The following BACH1 variants were observed in gnomAD, a reference collection of about 807,000 sequenced individuals.
BACH1 encodes the protein transcription regulator protein BACH1.
BACH1 carries 35 observed loss-of-function variants against 52.9 expected under a neutral mutation model. The ratio of observed to expected loss-of-function variants is 0.66; its 90% confidence interval spans 0.51 to 0.88. BACH1 has a LOEUF of 0.88. Among genes scored for constraint, BACH1 ranks in the 40% least tolerant of loss-of-function variants. The probability of loss-of-function intolerance (pLI) is 0.00; values close to 1 mark genes in which losing one functional copy is unlikely to be tolerated. For synonymous variants in BACH1, 321 were observed against 319.6 expected, an observed-to-expected ratio of 1.00 and a Z score of -0.05; for missense variants, 808 against 872.6, an observed-to-expected ratio of 0.93 and a Z score of 0.93.
chr21:29,357,220 G>A (rs1219306822), intron 2 of BACH1, among the ~76,000 whole-genome samples: 1 of 152,212 alleles, frequency 6.6e-6, no homozygotes, highest in Non-Finnish European at 1.5e-5. Flanking sequence ...GTCCCTGGGG[G>A]AAGAGGCTTA....
chr21:29,355,214 G>A (rs527985253), intron 2 of BACH1, among the ~76,000 whole-genome samples: 6 of 152,104 alleles, frequency 3.9e-5, no homozygotes, highest in Non-Finnish European at 5.9e-5. Context: ...TGATTGGTGC[G>A]TTTACAAACC....
chr21:29,335,117 C>G (rs150485894), intron 4 of BACH1, among the ~76,000 whole-genome samples: 16 of 152,298 alleles, frequency 1.1e-4, no homozygotes, highest in Admixed American at 3.9e-4. Context: ...TCTGAGAACT[C>G]ACTGCATGAT....
chr21:29,347,490 G>C (rs1407226205), downstream of BACH1, among the ~76,000 whole-genome samples: 1 of 152,196 alleles, frequency 6.6e-6, no homozygotes, highest in Non-Finnish European at 1.5e-5. Flanking sequence ...TTGCCCTGGA[G>C]ATTTAAACTA....
intron 1 of BACH1, among the ~76,000 whole-genome samples, chr21:29,311,486 G>T (rs1438584012): frequency 1.2e-5 from 1 of 84,830 alleles, no homozygotes; most frequent in Admixed American, 1.4e-4. Flanking sequence ...CCCTAATTCT[G>T]CTTCAGAGTT....
rs1186135314 is a variant in BACH1 at position 29,324,194 on chromosome 21, T to A, written c.235-1865T>A. ...TTGCAGTGAGCCAAGATCGTGCCGC[T>A]GCACTCTAGCCTGGGTGACAGAGAG... On this transcript the variant is annotated intron_variant, in intron 2 of 4. Coordinates refer to ENST00000286800, the MANE Select transcript of BACH1 (RefSeq NM_001186.4). 2.1e-5 allele frequency among the ~76,000 whole-genome samples: 3 copies of A among 143,648 alleles called. No homozygotes were observed. The East Asian group carries it at 6.1e-4, about 29-fold the overall frequency. 94.2% of individuals were successfully genotyped at this position (143,648 alleles called of 152,430 possible). A position where few individuals can be genotyped will look rare whatever the true frequency, so the allele number is the denominator to read the frequency against.
chr21:29,326,011 T>C, intron 2 of BACH1, 48 bp from the exon 3 acceptor site: 1 of 1,534,260 alleles, frequency 6.5e-7, no homozygotes, highest in Non-Finnish European at 8.7e-7. Context: ...TTTTATGTAC[T>C]AGACAGCTTT....
chr21:29,313,421 C>G (rs1201809852), intron 1 of BACH1, among the ~76,000 whole-genome samples: 1 of 152,124 alleles, frequency 6.6e-6, no homozygotes, highest in Non-Finnish European at 1.5e-5. Context: ...ATAATATGAC[C>G]CAGCTCTTCT....
rs960901919 is a variant in BACH1, at chr21:29,329,412, A to G, written c.1570-75A>G. 2.6e-5 allele frequency: 32 copies of G among 1,226,128 alleles called. 1 individual carries two copies. The East Asian group carries it at 7.4e-4, about 28-fold the overall frequency. 76.0% of individuals were successfully genotyped at this position (1,226,128 alleles called of 1,614,324 possible). On this transcript the variant is annotated intron_variant, in intron 3 of 4. Transcript: ENST00000286800. The stretch of plus-strand genomic sequence containing the variant: ...TAAGTTCTCTGAAAAACTTAGATGT[A>G]TACCTTCATCTTCCTAGGTTTGACT...
chr21:29,338,071 CAATAA>C (rs1030017871), intron 4 of BACH1, among the ~76,000 whole-genome samples: 25 of 151,966 alleles, frequency 1.6e-4, no homozygotes, highest in African/African-American at 5.8e-4. Context: ...TATAAATAAA[CAATAA>C]AATAAAAAAG....
At chr21:29,304,309 A>G (rs2088632309) in intron 1 of BACH1, among the ~76,000 whole-genome samples, 1 of 151,962 alleles carries the variant, frequency 6.6e-6, no homozygotes, top group Admixed American at 6.6e-5. Flanking sequence ...GTGTTTTAGT[A>G]GAGATGGGTT....
intron 4 of BACH1, among the ~76,000 whole-genome samples, chr21:29,340,657 G>T (rs1234409604): frequency 1.3e-5 from 2 of 152,162 alleles, no homozygotes; most frequent in South Asian, 2.1e-4. Flanking sequence ...CCCAACTTTG[G>T]TAGAGGAGTC....
chr21:29,346,520 G>A (rs891917239), downstream of BACH1, among the ~76,000 whole-genome samples: 4 of 152,118 alleles, frequency 2.6e-5, no homozygotes, highest in African/African-American at 9.7e-5. Context: ...GCCATCCAGG[G>A]CAAAGTCTTC....
chr21:29,310,307 T>C (rs1031155562), intron 1 of BACH1, among the ~76,000 whole-genome samples: 17 of 152,236 alleles, frequency 1.1e-4, no homozygotes, highest in African/African-American at 4.1e-4. Flanking sequence ...TTTCTGATTA[T>C]AAAGTAGTAT....
chr21:29,310,963 A>G (rs564636546), intron 1 of BACH1, among the ~76,000 whole-genome samples: 6 of 152,342 alleles, frequency 3.9e-5, no homozygotes, highest in African/African-American at 7.2e-5. Context: ...GAGAGGATCC[A>G]TTATTCATCA....
At chr21:29,359,750 C>T (rs1356406567) in intron 2 of BACH1, among the ~76,000 whole-genome samples, 2 of 152,062 alleles carry the variant, frequency 1.3e-5, no homozygotes, top group Non-Finnish European at 2.9e-5. Flanking sequence ...CACAATTTGC[C>T]CGTAAGGAAA....
chr21:29,336,155 T>C (rs1249350444), intron 4 of BACH1, among the ~76,000 whole-genome samples: 1 of 152,212 alleles, frequency 6.6e-6, no homozygotes, highest in Non-Finnish European at 1.5e-5. Context: ...CTAGAACAAG[T>C]ACTCTCATTG....
rs1207548926 is a variant in BACH1, at chr21:29,344,846, TC to T, written c.*2014del. 3.3e-5 allele frequency: 5 copies of T among 152,622 alleles called. No homozygotes were observed. Among genetic ancestry groups the T allele is most frequent in the African/African-American group, 1.2e-4 (5 of 41,452 alleles). 9.5% of individuals were successfully genotyped at this position (152,622 alleles called of 1,614,324 possible). On this transcript the variant is annotated 3_prime_UTR_variant, in exon 5 of 5. Coordinates refer to ENST00000286800, the MANE Select transcript of BACH1 (RefSeq NM_001186.4). ...AGTGTACACCCAACTATTGGTTGTATCAGTTTGTGTATGTGCAAATGTCAAA... is the reference window on the plus strand; with the variant it reads ...AGTGTACACCCAACTATTGGTTGTATAGTTTGTGTATGTGCAAATGTCAAA...
intron 2 of BACH1, among the ~76,000 whole-genome samples, chr21:29,358,765 A>AAAG (rs369247448): frequency 4.2e-4 from 34 of 81,522 alleles, no homozygotes; most frequent in African/African-American, 7.8e-4. Context: ...AAAAGAAAAG[A>AAAG]AAAGAAAAGA....
intron 2 of BACH1, chr21:29,352,487 GTA>G (rs2089208779): frequency 1.3e-5 from 2 of 152,156 alleles, no homozygotes; most frequent in Non-Finnish European, 2.9e-5. Flanking sequence ...CGATAGCAAA[GTA>G]AGACTGACTC....
Sources: gnomAD v4.1 joint callset for allele counts (sites outside exome capture counted in the v4.1 genomes callset) on GRCh38, gnomAD v4.1.1 for gene constraint, MANE v1.5 for transcripts, NCBI Gene and HGNC (gene_info 2026-07-23, HGNC 2026-07-21) for gene names.